BCAT1: variants seen among roughly 807,000 people sequenced by gnomAD.
BCAT1 encodes the protein branched-chain-amino-acid aminotransferase, cytosolic.
BCAT1 carries 48 observed loss-of-function variants against 52.4 expected under a neutral mutation model. The observed-to-expected ratio is 0.92, with a 90% CI of 0.73 to 1.16. BCAT1 has a LOEUF of 1.16. BCAT1 is among the 50% of genes most tolerant of loss of function. BCAT1 has a pLI of 0.00. For missense variants in BCAT1, 451 were observed against 457.1 expected (o/e 0.99, Z 0.12); for synonymous variants, 167 against 161.3 (o/e 1.04, Z -0.27).
intron 7 of BCAT1, among the ~76,000 whole-genome samples, chr12:24,839,422 A>G (rs909078910): frequency 6.6e-6 from 1 of 152,158 alleles, no homozygotes; most frequent in Non-Finnish European, 1.5e-5. Flanking sequence ...GTGACTGTGA[A>G]CTCAACCACA....
intron 1 of BCAT1, among the ~76,000 whole-genome samples, chr12:24,939,606 G>A (rs1295460372): frequency 2.0e-5 from 3 of 152,174 alleles, no homozygotes; most frequent in Non-Finnish European, 4.4e-5. Context: ...GGAGGCTGAG[G>A]CAGGTGGACC....
At chr12:24,893,133 C>T (rs1942885070) in intron 3 of BCAT1, among the ~76,000 whole-genome samples, 1 of 152,090 alleles carries the variant, frequency 6.6e-6, no homozygotes, top group Non-Finnish European at 1.5e-5. Context: ...CAGAAAGAAG[C>T]TTCTCATTGG....
chr12:24,822,825 T>C (rs1940199215), intron 10 of BCAT1, among the ~76,000 whole-genome samples: 1 of 152,208 alleles, frequency 6.6e-6, no homozygotes, highest in South Asian at 2.1e-4. Flanking sequence ...CATTTAGTTT[T>C]TTGTGTTAAC....
At chr12:24,934,306 T>TA (rs1164949454) in intron 1 of BCAT1, among the ~76,000 whole-genome samples, 6 of 152,226 alleles carry the variant, frequency 3.9e-5, no homozygotes, top group Admixed American at 6.5e-5. Context: ...GCCATGATTG[T>TA]AAGTTTCCTG....
rs1939871345 is a variant in BCAT1, at chr12:24,816,258, T to C, written c.*1750A>G. Reference sequence around the variant, plus strand: ...AAATGCCTCAAGGAAATTTTTCCAATGCATCAAACTTTTAGAATCCTTTTT... The same window carrying C: ...AAATGCCTCAAGGAAATTTTTCCAACGCATCAAACTTTTAGAATCCTTTTT... On this transcript the variant is annotated 3_prime_UTR_variant, in exon 11 of 11. Coordinates refer to ENST00000261192, the MANE Select transcript of BCAT1 (RefSeq NM_005504.7). 3.1e-5 allele frequency: 11 copies of C among 359,934 alleles called. No individual in the cohort carries two copies. The highest frequency in any genetic ancestry group is 4.9e-5 in the Non-Finnish European group (10 of 202,720). 22.3% of individuals were successfully genotyped at this position (359,934 alleles called of 1,614,324 possible).
intron 7 of BCAT1, among the ~76,000 whole-genome samples, chr12:24,839,816 C>T (rs1216181779): frequency 1.3e-5 from 2 of 152,116 alleles, no homozygotes; most frequent in Admixed American, 1.3e-4. Context: ...TGATTTTCAA[C>T]TCGTTTGTTC....
intron 1 of BCAT1, among the ~76,000 whole-genome samples, chr12:24,947,167 CCACACACACACACACACA>C (rs57265449): frequency 3.5e-5 from 5 of 141,152 alleles, no homozygotes; most frequent in African/African-American, 8.0e-5. Flanking sequence ...CGTCTTCCCT[CCACACACACACACACACA>C]CACACACACA....
At chr12:24,900,763 C>T (rs1403061622) in intron 2 of BCAT1, among the ~76,000 whole-genome samples, 2 of 152,134 alleles carry the variant, frequency 1.3e-5, no homozygotes, top group Non-Finnish European at 2.9e-5. Context: ...ATAACCCCAT[C>T]TCTACTAAAA....
chr12:24,873,229 A>C (rs1452837430), intron 5 of BCAT1, among the ~76,000 whole-genome samples: 1 of 152,212 alleles, frequency 6.6e-6, no homozygotes, highest in African/African-American at 2.4e-5. Flanking sequence ...TTTTATTTAA[A>C]TATTATGATC....
chr12:24,847,791 A>G (rs1052431957), intron 6 of BCAT1, among the ~76,000 whole-genome samples: 10 of 152,238 alleles, frequency 6.6e-5, no homozygotes, highest in African/African-American at 2.4e-4. Context: ...ACTTAGATAG[A>G]AAGCAGAAAG....
chr12:24,882,192 C>A (rs941500740), intron 3 of BCAT1, among the ~76,000 whole-genome samples: 1 of 152,202 alleles, frequency 6.6e-6, no homozygotes, highest in African/African-American at 2.4e-5. Context: ...CTGTAGAATT[C>A]ACATATTTTC....
chr12:24,836,531 GA>G lies in BCAT1; in HGVS notation c.882del (p.Leu295TrpfsTer22). 1 of 1,613,022 alleles carries G rather than the reference GA, an allele frequency of 6.2e-7. No homozygotes were observed. Among genetic ancestry groups the G allele is most frequent in the East Asian group, 2.2e-5 (1 of 44,854 alleles). The part of the protein sequence containing the change: ...IILPGVTRRC[I>X]LDLAHQWGEF... ...CCCACCCACTGATGTGCCAGGTCCA[GA>G]ATGCACCGCCTTGTCACTCCTGGAA... On this transcript the variant is annotated frameshift_variant, in exon 8 of 11. Coordinates refer to ENST00000261192, the MANE Select transcript of BCAT1 (RefSeq NM_005504.7). LOFTEE classifies it high-confidence loss of function.
Position 24,816,646 on chromosome 12 carries a change from T to C in BCAT1, c.*1362A>G, listed in dbSNP as rs1362483480. 7.5e-6 allele frequency: 3 copies of C among 397,598 alleles called. No homozygotes were observed. Among genetic ancestry groups the C allele is most frequent in the Non-Finnish European group, 1.3e-5 (3 of 225,540 alleles). The allele number at this position is 397,598 out of a possible 1,614,324, so 24.6% of individuals were successfully genotyped here. ...ATTAACACTTGACATAAAACATTTG[T>C]CATTTCCATTTGGTTGGTATGATAT... On this transcript the variant is annotated 3_prime_UTR_variant, in exon 11 of 11. Transcript: ENST00000261192.
At chr12:24,840,477 C>A (rs1941141471) in intron 7 of BCAT1, among the ~76,000 whole-genome samples, 1 of 152,144 alleles carries the variant, frequency 6.6e-6, no homozygotes, top group South Asian at 2.1e-4. Flanking sequence ...ATTTATAAAT[C>A]ATAAATATTC....
intron 9 of BCAT1, 64 bp downstream of exon 9, chr12:24,832,659 A>C: frequency 6.7e-7 from 1 of 1,483,330 alleles, no homozygotes; most frequent in Non-Finnish European, 9.0e-7. Context: ...TTATTCATAC[A>C]CTTAAATTAA....
intron 6 of BCAT1, among the ~76,000 whole-genome samples, chr12:24,844,149 C>G (rs762069300): frequency 6.6e-6 from 1 of 152,166 alleles, no homozygotes; most frequent in Non-Finnish European, 1.5e-5. Context: ...ATTTCCAGGC[C>G]GGGCACGGTG....
chr12:24,857,659 G>GCA (rs1941728813), intron 5 of BCAT1, among the ~76,000 whole-genome samples: 1 of 152,186 alleles, frequency 6.6e-6, no homozygotes, highest in Non-Finnish European at 1.5e-5. Flanking sequence ...AACTGAGGGA[G>GCA]CACCACAGGC....
intron 1 of BCAT1, among the ~76,000 whole-genome samples, chr12:24,911,484 G>C (rs12579934): frequency 1.3e-5 from 2 of 152,026 alleles, no homozygotes; most frequent in Admixed American, 6.6e-5. Flanking sequence ...GAATGAGCAC[G>C]TGCCAATCTA....
chr12:24,908,710 C>T (rs1477706577), intron 1 of BCAT1, among the ~76,000 whole-genome samples: 1 of 152,108 alleles, frequency 6.6e-6, no homozygotes, highest in Non-Finnish European at 1.5e-5. Flanking sequence ...CACTCCACTC[C>T]AGCCTAGGTG....
Sources: allele counts gnomAD v4.1 joint callset (sites outside exome capture counted in the v4.1 genomes callset), GRCh38; gene constraint gnomAD v4.1.1; transcripts MANE v1.5; gene names NCBI Gene and HGNC (gene_info 2026-07-23, HGNC 2026-07-21).